Variants in KIAA1217 observed in about 807,000 individuals in gnomAD.
The protein encoded by KIAA1217 is KIAA1217.
In KIAA1217, 88 loss-of-function variants were observed where a neutral mutation model predicts 163.9. The observed-to-expected ratio is 0.54, with a 90% CI of 0.45 to 0.64. The LOEUF (loss-of-function observed/expected upper bound fraction) is 0.64. Among genes scored for constraint, KIAA1217 ranks in the 30% least tolerant of loss-of-function variants. KIAA1217 has a pLI of 0.00. For missense variants in KIAA1217, 2,372 were observed against 2,475.0 expected (o/e 0.96, Z 0.88); for synonymous variants, 903 against 923.1 (o/e 0.98, Z 0.39).
In KIAA1217 at chr10:24,247,838, A is replaced by G. The variant is rs185871795; in HGVS notation, c.354+27929A>G. ...TTTCTGGAATGATGTCCAATAAATC[A>G]GAGAGAGGGACTAGAAGACTAATGA... is the stretch of plus-strand genomic sequence containing the variant. On this transcript the variant is annotated intron_variant, in intron 2 of 20. Coordinates refer to ENST00000376454, the MANE Select transcript of KIAA1217 (RefSeq NM_019590.5). Among the ~76,000 whole-genome samples the G allele has an allele frequency of 1.4e-4, 21 of 152,342 alleles. No homozygotes were observed. The East Asian group carries it at 4.1e-3, about 29-fold the overall frequency.
intron 1 of KIAA1217, among the ~76,000 whole-genome samples, chr10:23,974,135 A>G (rs1056623342): frequency 2.0e-5 from 3 of 152,220 alleles, no homozygotes; most frequent in African/African-American, 7.2e-5. Flanking sequence ...CCTCATTACT[A>G]ATGCTGCATG....
chr10:24,451,423 C>T (rs1475230287), intron 5 of KIAA1217, among the ~76,000 whole-genome samples: 2 of 152,252 alleles, frequency 1.3e-5, no homozygotes, highest in Non-Finnish European at 2.9e-5. Context: ...TCACCTTCAA[C>T]AGTGCTCTTC....
intron 1 of KIAA1217, among the ~76,000 whole-genome samples, chr10:24,217,988 G>T (rs1250688709): frequency 1.3e-5 from 2 of 152,232 alleles, no homozygotes; most frequent in East Asian, 3.9e-4. Flanking sequence ...TTAAAGCCAA[G>T]ATTCCTGAGA....
At chr10:24,541,692 G>C (rs1564901239) in intron 17 of KIAA1217, among the ~76,000 whole-genome samples, 3 of 152,186 alleles carry the variant, frequency 2.0e-5, no homozygotes, top group Non-Finnish European at 2.9e-5. Flanking sequence ...ATACACCTTG[G>C]GAAAGGCCAG....
intron 1 of KIAA1217, among the ~76,000 whole-genome samples, chr10:23,938,871 T>A (rs1045495069): frequency 5.3e-5 from 8 of 152,234 alleles, no homozygotes; most frequent in African/African-American, 1.9e-4. Context: ...TCAATAAAAA[T>A]TAACAGTTGT....
intron 2 of KIAA1217, among the ~76,000 whole-genome samples, chr10:24,229,221 A>G (rs1280972406): frequency 2.0e-5 from 3 of 152,256 alleles, no homozygotes; most frequent in Non-Finnish European, 2.9e-5. Flanking sequence ...TATACTATAC[A>G]CTGTTCAGTA....
intron 1 of KIAA1217, among the ~76,000 whole-genome samples, chr10:23,758,097 C>T (rs1834014673): frequency 1.3e-5 from 2 of 151,742 alleles, no homozygotes; most frequent in Admixed American, 1.3e-4. Flanking sequence ...GTGGCCTGTC[C>T]CTTTGGTGTT....
intron 1 of KIAA1217, among the ~76,000 whole-genome samples, chr10:23,786,470 G>A (rs1001233047): frequency 1.3e-5 from 2 of 150,766 alleles, no homozygotes; most frequent in East Asian, 1.9e-4. Context: ...TGACTTTTCC[G>A]GCTATTGTGG....
intron 2 of KIAA1217, among the ~76,000 whole-genome samples, chr10:24,240,964 T>A (rs2073013917): frequency 6.6e-6 from 1 of 151,976 alleles, no homozygotes; most frequent in Admixed American, 6.6e-5. Context: ...AAAGCAATCC[T>A]CCCACCTCAG....
chr10:24,046,053 G>A (rs1351045310), intron 2 of KIAA1217, among the ~76,000 whole-genome samples: 1 of 151,870 alleles, frequency 6.6e-6, no homozygotes, highest in African/African-American at 2.4e-5. Flanking sequence ...TGGGCTTTCT[G>A]GTTCCTCTGA....
At chr10:24,301,057 C>T (rs2041264847) in intron 2 of KIAA1217, among the ~76,000 whole-genome samples, 1 of 152,186 alleles carries the variant, frequency 6.6e-6, no homozygotes, top group South Asian at 2.1e-4. Flanking sequence ...AAGTGATCCA[C>T]CCGCCTCAGC....
At position 24,494,604 on chromosome 10, in the gene KIAA1217, G is replaced by A; in HGVS notation, c.1784G>A (p.Ser595Asn). The change falls in exon 7 of 21, where the codon AGC becomes AAC. Residue 595 changes from serine to asparagine, a missense_variant and splice_region_variant. Coordinates refer to ENST00000376454, the MANE Select transcript of KIAA1217 (RefSeq NM_019590.5). ...PITSYSKDAS[S>N]EKMMKTTANR... is the part of the protein sequence containing the mutation. The stretch of plus-strand genomic sequence containing the variant: ...ACAAGTTATAGCAAAGATGCGTCTA[G>A]GTAAAAAAGAAGAAAGCCAATGAAA... 6.3e-7 allele frequency: 1 copy of A among 1,588,770 alleles called. No individual in the cohort carries two copies. Among genetic ancestry groups the A allele is most frequent in the Non-Finnish European group, 8.6e-7 (1 of 1,162,850 alleles).
intron 3 of KIAA1217, among the ~76,000 whole-genome samples, chr10:24,386,872 C>G (rs1373438503): frequency 1.3e-5 from 2 of 152,192 alleles, no homozygotes; most frequent in Non-Finnish European, 2.9e-5. Flanking sequence ...GGCCACTGCA[C>G]CTGGCCCAAA....
At position 23,975,955 on chromosome 10, in the gene KIAA1217, G is replaced by C. The variant is rs115903698; in HGVS notation, c.-320-31270G>C. The stretch of plus-strand genomic sequence containing the variant: ...GTCAGGGCTGGCCATTCAACTCTAG[G>C]AGCTCACTAGTCTATGTAGGGACTG... On this transcript the variant is annotated intron_variant, in intron 1 of 18. Transcript: ENST00000376462. Among the ~76,000 whole-genome samples, 993 of 152,146 alleles carry C rather than the reference G, an allele frequency of 6.5e-3. 10 individuals are homozygous for C. Among genetic ancestry groups the C allele is most frequent in the African/African-American group, 0.023 (953 of 41,490 alleles).
chr10:23,833,479 TAAAAAAAA>T lies in KIAA1217; in HGVS notation c.-321+138255_-321+138262del, dbSNP rs1278632576. ...GGCTGGATGACAGAGTGAGACTGTC[TAAAAAAAA>T]AAAAAAAAACTAAGTAAACCATTAT... On this transcript the variant is annotated intron_variant, in intron 1 of 18. Transcript: ENST00000376462. Among the ~76,000 whole-genome samples the T allele has an allele frequency of 1.3e-3, 167 of 124,694 alleles. 10 individuals are homozygous for T. In the East Asian group the frequency reaches 0.03, roughly 23 times the overall value. The allele number at this position is 124,694 out of a possible 152,430, so 81.8% of individuals were successfully genotyped here.
At chr10:24,520,651 A>AAAAAAT (rs1554926857) in intron 11 of KIAA1217, among the ~76,000 whole-genome samples, 1 of 39,660 alleles carries the variant, frequency 2.5e-5, no homozygotes, top group Non-Finnish European at 4.9e-5. Context: ...AAAAAAAAAA[A>AAAAAAT]ATATATATAT....
intron 2 of KIAA1217, among the ~76,000 whole-genome samples, chr10:24,121,966 T>C (rs1260158130): frequency 6.6e-6 from 1 of 152,122 alleles, no homozygotes; most frequent in Non-Finnish European, 1.5e-5. Context: ...TAACGTGTGG[T>C]TATCTTGATG....
intron 1 of KIAA1217, among the ~76,000 whole-genome samples, chr10:23,965,383 C>T (rs939629319): frequency 6.6e-6 from 1 of 152,204 alleles, no homozygotes; most frequent in Admixed American, 6.5e-5. Flanking sequence ...CCTCTTGTTC[C>T]TGGGGCCGTC....
At chr10:24,511,152 C>CAAAAAAAAAAA (rs58529942) in intron 9 of KIAA1217, among the ~76,000 whole-genome samples, 1,383 of 34,272 alleles carry the variant, frequency 0.04, 242 homozygotes, top group East Asian at 0.13. Context: ...GACTCTGTCT[C>CAAAAAAAAAAA]AAAAAAAAAA....
Sources: allele counts gnomAD v4.1 joint callset (sites outside exome capture counted in the v4.1 genomes callset), GRCh38; gene constraint gnomAD v4.1.1; transcripts MANE v1.5; gene names NCBI Gene and HGNC (gene_info 2026-07-23, HGNC 2026-07-21).